ZBTB7C: variants seen among roughly 807,000 people sequenced by gnomAD.
The protein encoded by ZBTB7C is zinc finger and BTB domain-containing protein 7C.
A neutral mutation model predicts 25.7 loss-of-function variants in ZBTB7C; 8 were observed. The ratio of observed to expected loss-of-function variants is 0.31; its 90% confidence interval spans 0.18 to 0.56. The LOEUF (loss-of-function observed/expected upper bound fraction) is 0.56. Among genes scored for constraint, ZBTB7C ranks in the 20% least tolerant of loss-of-function variants. The probability of loss-of-function intolerance (pLI) is 0.91; values close to 1 mark genes in which losing one functional copy is unlikely to be tolerated. For missense variants in ZBTB7C, 824 were observed against 855.2 expected, an observed-to-expected ratio of 0.96 and a Z score of 0.46; for synonymous variants, 394 against 369.0, an observed-to-expected ratio of 1.07 and a Z score of -0.78.
intron 3 of ZBTB7C, among the ~76,000 whole-genome samples, chr18:48,129,082 G>A (rs779879576): frequency 1.3e-5 from 2 of 152,026 alleles, no homozygotes; most frequent in Non-Finnish European, 2.9e-5. Flanking sequence ...GGATGATTTC[G>A]GAACACAGAT....
At chr18:48,193,708 A>C (rs998483478) in intron 2 of ZBTB7C, among the ~76,000 whole-genome samples, 1 of 152,136 alleles carries the variant, frequency 6.6e-6, no homozygotes, top group Non-Finnish European at 1.5e-5. Flanking sequence ...TCCTGCAGGG[A>C]AGGGTGGAGA....
chr18:48,048,052 A>T lies in ZBTB7C; in HGVS notation c.-16-6929T>A, dbSNP rs78932309. Among the ~76,000 whole-genome samples the T allele has an allele frequency of 1.6e-3, 243 of 152,034 alleles. 4 individuals are homozygous for T. In the East Asian group the frequency reaches 0.035, roughly 22 times the overall value. ...CCAATTCAAGGGCAGGGGGATTTGG[A>T]CCCTTCCCCTGGGAGGCTGACTCTT... On this transcript the variant is annotated intron_variant, in intron 3 of 4. Transcript: ENST00000590800.
chr18:48,367,263 TATATGTATATGTATATGTAA>T (rs2047257547), intron 1 of ZBTB7C, among the ~76,000 whole-genome samples: 1 of 132,538 alleles, frequency 7.5e-6, no homozygotes, highest in African/African-American at 2.8e-5. Context: ...ATATATAGTA[TATATGTATATGTATATGTAA>T]ATATGTATCT....
intron 2 of ZBTB7C, among the ~76,000 whole-genome samples, chr18:48,201,754 G>A (rs913031700): frequency 6.6e-6 from 1 of 152,130 alleles, no homozygotes; most frequent in African/African-American, 2.4e-5. Flanking sequence ...CCCACCACCA[G>A]GCTGCATAAA....
chr18:48,078,926 C>G (rs1474625079), intron 3 of ZBTB7C, among the ~76,000 whole-genome samples: 2 of 152,018 alleles, frequency 1.3e-5, no homozygotes, highest in East Asian at 1.9e-4. Flanking sequence ...ATGCATATAT[C>G]ACAATTTGTT....
chr18:48,141,148 C>T (rs1204968609), intron 3 of ZBTB7C, among the ~76,000 whole-genome samples: 1 of 146,824 alleles, frequency 6.8e-6, no homozygotes, highest in South Asian at 2.4e-4. Flanking sequence ...CCCGCACCAC[C>T]CCCCCCACTG....
intron 3 of ZBTB7C, among the ~76,000 whole-genome samples, chr18:48,091,859 C>T (rs560978981): frequency 3.2e-4 from 49 of 152,278 alleles, no homozygotes; most frequent in Non-Finnish European, 4.0e-4. Flanking sequence ...CGGTGGCCTC[C>T]GTTTATCCCA....
intron 3 of ZBTB7C, among the ~76,000 whole-genome samples, chr18:48,049,217 C>T (rs542391351): frequency 4.6e-5 from 7 of 152,314 alleles, no homozygotes; most frequent in Admixed American, 1.3e-4. Context: ...GTAAAGGACT[C>T]GTGTTCTAGT....
At chr18:48,381,391 GAGATTT>G (rs2145208517) in intron 1 of ZBTB7C, among the ~76,000 whole-genome samples, 1 of 152,304 alleles carries the variant, frequency 6.6e-6, no homozygotes, top group East Asian at 1.9e-4. Flanking sequence ...ATTTTAAGAA[GAGATTT>G]AGATAACTGG....
chr18:48,334,578 C>T (rs1244159354), intron 2 of ZBTB7C, among the ~76,000 whole-genome samples: 1 of 152,184 alleles, frequency 6.6e-6, no homozygotes, highest in African/African-American at 2.4e-5. Flanking sequence ...ACCCAGAAGG[C>T]AGGCGCTATT....
chr18:48,135,480 G>A (rs1353706133), intron 3 of ZBTB7C, among the ~76,000 whole-genome samples: 2 of 152,160 alleles, frequency 1.3e-5, no homozygotes, highest in African/African-American at 4.8e-5. Flanking sequence ...TTCCCCATCT[G>A]CAAAGTGGGG....
intron 2 of ZBTB7C, among the ~76,000 whole-genome samples, chr18:48,211,748 A>G (rs2042707201): frequency 6.6e-6 from 1 of 152,166 alleles, no homozygotes; most frequent in South Asian, 2.1e-4. Context: ...TGGGGATGCA[A>G]AATGATACAG....
chr18:48,191,500 A>G lies in ZBTB7C; in HGVS notation c.-78-5505T>C, dbSNP rs562774865. ...GTGCAGGACCTCAGCTGGGGCCAGC[A>G]AGGCTGGCTTTTCCCTGGGAGGTGA... On this transcript the variant is annotated intron_variant, in intron 2 of 4. Coordinates refer to ENST00000590800, the MANE Select transcript of ZBTB7C (RefSeq NM_001318841.2). Among the ~76,000 whole-genome samples, 7 of 152,396 alleles carry G rather than the reference A, an allele frequency of 4.6e-5. No individual in the cohort carries two copies. The South Asian group carries it at 1.2e-3, about 27-fold the overall frequency.
At position 48,090,038 on chromosome 18, in the gene ZBTB7C, C is replaced by G. The variant is rs139990047; in HGVS notation, c.-16-48915G>C. Among the ~76,000 whole-genome samples the G allele has an allele frequency of 2.4e-4, 37 of 152,360 alleles. No homozygotes were observed. The East Asian group carries it at 7.1e-3, about 29-fold the overall frequency. On this transcript the variant is annotated intron_variant, in intron 3 of 4. Coordinates refer to ENST00000590800, the MANE Select transcript of ZBTB7C (RefSeq NM_001318841.2). ...GGGCAGTGAGGTGGGTAGTTCCATG[C>G]CCTTCCCACCCTTGGCCAGAGGCCA...
In ZBTB7C at chr18:48,280,789, C is replaced by T. The variant is rs79982042; in HGVS notation, c.-79+57385G>A. On this transcript the variant is annotated intron_variant, in intron 2 of 4. Transcript: ENST00000590800. Reference sequence around the variant, plus strand: ...CAGTAGCCAACTGGTCCAAAATCCTCGACTAGCTATTATTCCTTGATTTAA... The same window carrying T: ...CAGTAGCCAACTGGTCCAAAATCCTTGACTAGCTATTATTCCTTGATTTAA... Among the ~76,000 whole-genome samples the T allele has an allele frequency of 2.2e-3, 330 of 151,772 alleles. 13 individuals are homozygous for T. The East Asian group carries it at 0.061, about 28-fold the overall frequency.
intron 2 of ZBTB7C, among the ~76,000 whole-genome samples, chr18:48,230,706 C>A (rs2043227679): frequency 6.6e-6 from 1 of 152,114 alleles, no homozygotes; most frequent in Admixed American, 6.5e-5. Context: ...TACTGATAGT[C>A]CAAGGCGAAA....
chr18:48,154,632 A>C (rs550890779), intron 3 of ZBTB7C, among the ~76,000 whole-genome samples: 3 of 152,116 alleles, frequency 2.0e-5, no homozygotes, highest in Non-Finnish European at 2.9e-5. Flanking sequence ...CAATATAGAC[A>C]CCTTATGGAA....
At chr18:48,256,477 C>CAAAAAAAAAAAAAAA in intron 2 of ZBTB7C, among the ~76,000 whole-genome samples, 1 of 131,454 alleles carries the variant, frequency 7.6e-6, no homozygotes, top group Non-Finnish European at 1.6e-5. Context: ...TACAAAAGCT[C>CAAAAAAAAAAAAAAA]AAAAAAAAAA....
chr18:48,308,437 C>A (rs2045732491), intron 2 of ZBTB7C, among the ~76,000 whole-genome samples: 1 of 152,162 alleles, frequency 6.6e-6, no homozygotes, highest in Admixed American at 6.5e-5. Flanking sequence ...CCAGGCTGGC[C>A]AGAGTCCTTC....
Sources: allele counts gnomAD v4.1 joint callset (sites outside exome capture counted in the v4.1 genomes callset), GRCh38; gene constraint gnomAD v4.1.1; transcripts MANE v1.5; gene names NCBI Gene and HGNC (gene_info 2026-07-23, HGNC 2026-07-21).